The following GALNT13 variants were observed in gnomAD, a reference collection of about 807,000 sequenced individuals.
GALNT13 encodes the protein polypeptide N-acetylgalactosaminyltransferase 13.
Under a neutral mutation model 64.2 loss-of-function variants are expected in GALNT13, and 28 were observed. The observed-to-expected ratio is 0.44, with a 90% CI of 0.32 to 0.60. The LOEUF is 0.60. Ranked by LOEUF, GALNT13 falls within the 20% of genes least tolerant of loss-of-function variation. The pLI is 0.05. For synonymous variants in GALNT13, 214 were observed against 224.6 expected, an observed-to-expected ratio of 0.95 and a Z score of 0.42; for missense variants, 577 against 669.8, an observed-to-expected ratio of 0.86 and a Z score of 1.53.
intron 3 of GALNT13, among the ~76,000 whole-genome samples, chr2:154,133,837 C>G (rs1269701927): frequency 1.3e-5 from 2 of 151,744 alleles, no homozygotes; most frequent in African/African-American, 4.8e-5. Flanking sequence ...CAAATAGACC[C>G]AAAATTCTAA....
At chr2:153,884,785 A>ATATATATGTGTG (rs1450308010) in intron 1 of GALNT13, among the ~76,000 whole-genome samples, 4 of 122,502 alleles carry the variant, frequency 3.3e-5, no homozygotes, top group African/African-American at 1.4e-4. Flanking sequence ...ATATATATAT[A>ATATATATGTGTG]TGTGTGTGTA....
At chr2:153,564,766 CCTT>C in the GALNT13 span, among the ~76,000 whole-genome samples, 1 of 152,104 alleles carries the variant, frequency 6.6e-6, no homozygotes, top group Non-Finnish European at 1.5e-5. Flanking sequence ...TAGCTTGACT[CCTT>C]GTGTCGAAAG....
At chr2:154,348,121 G>A (rs1380642107) in intron 9 of GALNT13, among the ~76,000 whole-genome samples, 1 of 152,168 alleles carries the variant, frequency 6.6e-6, no homozygotes, top group Admixed American at 6.5e-5. Flanking sequence ...CTGTGTTAAA[G>A]ATTAGGAAAC....
At chr2:153,429,332 A>C in the GALNT13 span, among the ~76,000 whole-genome samples, 1 of 152,194 alleles carries the variant, frequency 6.6e-6, no homozygotes, top group African/African-American at 2.4e-5. Flanking sequence ...TATGTCATAC[A>C]AACAGTTTCT....
the GALNT13 span, among the ~76,000 whole-genome samples, chr2:153,440,560 C>G: frequency 6.6e-6 from 1 of 152,324 alleles, no homozygotes; most frequent in East Asian, 1.9e-4. Context: ...AATCCACACT[C>G]CCACCAACAG....
intron 4 of GALNT13, among the ~76,000 whole-genome samples, chr2:154,155,828 C>A (rs1166675928): frequency 6.6e-6 from 1 of 151,736 alleles, no homozygotes; most frequent in African/African-American, 2.4e-5. Flanking sequence ...ATATTGAAAA[C>A]AAGGCCCAAA....
the GALNT13 span, among the ~76,000 whole-genome samples, chr2:153,177,820 C>T: frequency 1.3e-5 from 2 of 151,956 alleles, no homozygotes; most frequent in African/African-American, 4.8e-5. Flanking sequence ...AAGAAAAAAC[C>T]CATTATTCCT....
chr2:153,896,433 T>G (rs1307529171), intron 1 of GALNT13, among the ~76,000 whole-genome samples: 1 of 151,578 alleles, frequency 6.6e-6, no homozygotes, highest in Non-Finnish European at 1.5e-5. Flanking sequence ...TATATAAATA[T>G]TAAATATATA....
At chr2:153,594,484 C>A in the GALNT13 span, among the ~76,000 whole-genome samples, 1 of 152,034 alleles carries the variant, frequency 6.6e-6, no homozygotes, top group Admixed American at 6.6e-5. Context: ...CTTTCACTTG[C>A]CTTTAAGTGA....
the GALNT13 span, among the ~76,000 whole-genome samples, chr2:153,600,028 C>T: frequency 6.6e-6 from 1 of 151,936 alleles, no homozygotes. Flanking sequence ...CTACTGCCAT[C>T]CAAATCTCCC....
At chr2:153,296,742 T>G in the GALNT13 span, among the ~76,000 whole-genome samples, 1 of 152,086 alleles carries the variant, frequency 6.6e-6, no homozygotes, top group Non-Finnish European at 1.5e-5. Context: ...AAAAGAGAAA[T>G]AAATGTACAT....
At chr2:153,131,089 T>C in the GALNT13 span, among the ~76,000 whole-genome samples, 1 of 152,210 alleles carries the variant, frequency 6.6e-6, no homozygotes, top group Non-Finnish European at 1.5e-5. Context: ...TATTCTATAA[T>C]TCTATTGTTA....
chr2:154,146,718 T>C (rs1343814020), intron 4 of GALNT13, among the ~76,000 whole-genome samples: 1 of 152,010 alleles, frequency 6.6e-6, no homozygotes, highest in East Asian at 1.9e-4. Flanking sequence ...TTAGCAGAAA[T>C]AGAAATGCTG....
chr2:153,588,145 C>A, the GALNT13 span, among the ~76,000 whole-genome samples: 1 of 152,234 alleles, frequency 6.6e-6, no homozygotes, highest in Admixed American at 6.5e-5. Flanking sequence ...TCCCTCCCAG[C>A]TGCTTTCATG....
chr2:154,206,446 C>G (rs188402870), intron 4 of GALNT13, among the ~76,000 whole-genome samples: 2 of 151,826 alleles, frequency 1.3e-5, no homozygotes, highest in Non-Finnish European at 2.9e-5. Flanking sequence ...TGCTTACTTA[C>G]AAATATTTAC....
At chr2:154,061,346 G>A (rs1206712800) in intron 3 of GALNT13, among the ~76,000 whole-genome samples, 2 of 152,192 alleles carry the variant, frequency 1.3e-5, no homozygotes, top group African/African-American at 4.8e-5. Context: ...TTTCCGCCAT[G>A]TGACCTGACA....
chr2:153,635,826 ATTTC>A, the GALNT13 span, among the ~76,000 whole-genome samples: 58 of 152,144 alleles, frequency 3.8e-4, no homozygotes, highest in Non-Finnish European at 7.4e-5. Context: ...TGAGGCTTTA[ATTTC>A]TTTCTAGTAT....
chr2:153,750,527 A>AT, the GALNT13 span, among the ~76,000 whole-genome samples: 36 of 150,390 alleles, frequency 2.4e-4, no homozygotes, highest in Middle Eastern at 3.5e-3. Context: ...CACCTTTTGG[A>AT]TTTTTTTTTA....
the GALNT13 span, among the ~76,000 whole-genome samples, chr2:153,783,377 A>G: frequency 1.3e-5 from 2 of 151,604 alleles, no homozygotes; most frequent in Admixed American, 6.6e-5. Context: ...TAAAAGAATC[A>G]TCTAAGAGAT....
Sources: allele counts gnomAD v4.1 joint callset (sites outside exome capture counted in the v4.1 genomes callset), GRCh38; gene constraint gnomAD v4.1.1; transcripts MANE v1.5; gene names NCBI Gene and HGNC (gene_info 2026-07-23, HGNC 2026-07-21).